Variants in SUPT3H observed in about 807,000 individuals in gnomAD.
SUPT3H encodes SPT3 homolog, SAGA and STAGA complex component, also known as transcription initiation protein SPT3 homolog.
A neutral mutation model predicts 44.3 loss-of-function variants in SUPT3H; 44 were observed. That is an observed-to-expected ratio of 0.99 (90% CI 0.78 to 1.28). SUPT3H has a LOEUF of 1.28. Among genes scored for constraint, SUPT3H ranks in the 50% most tolerant of loss-of-function variants. SUPT3H has a pLI of 0.00. For synonymous variants in SUPT3H, 124 were observed against 125.6 expected, an observed-to-expected ratio of 0.99 and a Z score of 0.09; for missense variants, 380 against 387.1, an observed-to-expected ratio of 0.98 and a Z score of 0.15.
At chr6:45,099,022 C>G in intron 3 of SUPT3H, 1 of 380,552 alleles carries the variant, frequency 2.6e-6, no homozygotes, top group South Asian at 2.1e-5. Context: ...CCTCCTCCTA[C>G]AGCAGCAGAA....
intron 2 of SUPT3H, chr6:45,328,817 T>C: frequency 6.3e-7 from 1 of 1,599,166 alleles, no homozygotes; most frequent in Non-Finnish European, 8.6e-7. Flanking sequence ...TCCTGTAAGA[T>C]ATGAACCTGT....
rs115382978 is a variant in SUPT3H at position 45,153,538 on chromosome 6, A to G, written c.102-47532T>C. On this transcript the variant is annotated intron_variant, in intron 2 of 10. Coordinates refer to ENST00000371459, the MANE Select transcript of SUPT3H (RefSeq NM_003599.4). ...ACTATAATACATTATTAAAAATTAA[A>G]TGAAAAATGTGCATATTTGTGTTAA... Among the ~76,000 whole-genome samples, 574 of 152,344 alleles carry G rather than the reference A, an allele frequency of 3.8e-3. 8 individuals are homozygous for G. The highest frequency in any genetic ancestry group is 0.013 in the African/African-American group (529 of 41,586).
intron 10 of SUPT3H, among the ~76,000 whole-genome samples, chr6:44,866,175 C>T (rs1775481684): frequency 7.0e-6 from 1 of 141,892 alleles, no homozygotes; most frequent in Admixed American, 7.3e-5. Context: ...AAACTGGGGG[C>T]TTGAAAAGAG....
chr6:44,921,382 C>A (rs1402761521), intron 10 of SUPT3H, among the ~76,000 whole-genome samples: 1 of 152,160 alleles, frequency 6.6e-6, no homozygotes, highest in East Asian at 1.9e-4. Flanking sequence ...CATAGCAGTA[C>A]ACAGTCTTGC....
At chr6:44,884,193 G>A (rs1040392121) in intron 10 of SUPT3H, among the ~76,000 whole-genome samples, 5 of 152,092 alleles carry the variant, frequency 3.3e-5, no homozygotes, top group East Asian at 1.9e-4. Flanking sequence ...AAAAGTGGGC[G>A]AAGGATATGA....
intron 10 of SUPT3H, among the ~76,000 whole-genome samples, chr6:44,919,870 C>CTTTTTCT (rs1176691622): frequency 1.3e-5 from 2 of 151,954 alleles, no homozygotes; most frequent in East Asian, 1.9e-4. Flanking sequence ...ACAATCACTT[C>CTTTTTCT]TTTTTCTTTT....
chr6:45,022,632 G>A (rs1373197035), intron 3 of SUPT3H, among the ~76,000 whole-genome samples: 3 of 151,940 alleles, frequency 2.0e-5, no homozygotes, highest in South Asian at 2.1e-4. Context: ...TAGTTAGTAT[G>A]TCTCTGGAAC....
intron 2 of SUPT3H, among the ~76,000 whole-genome samples, chr6:45,210,570 T>C (rs571850026): frequency 5.1e-4 from 77 of 152,284 alleles, no homozygotes; most frequent in African/African-American, 1.4e-3. Flanking sequence ...CTTACACATA[T>C]TGATTGATAT....
intron 4 of SUPT3H, among the ~76,000 whole-genome samples, chr6:45,018,354 A>G (rs563269347): frequency 6.6e-6 from 1 of 151,076 alleles, no homozygotes; most frequent in Non-Finnish European, 1.5e-5. Flanking sequence ...CTCCTGCCTA[A>G]TTGCCCTGGC....
chr6:44,963,946 C>T (rs988126955), intron 6 of SUPT3H, among the ~76,000 whole-genome samples: 6 of 149,214 alleles, frequency 4.0e-5, no homozygotes, highest in African/African-American at 9.9e-5. Flanking sequence ...TGTAGTGAGC[C>T]AAGATCACGC....
At chr6:44,920,695 G>A (rs906905377) in intron 10 of SUPT3H, among the ~76,000 whole-genome samples, 1 of 152,094 alleles carries the variant, frequency 6.6e-6, no homozygotes, top group Admixed American at 6.6e-5. Context: ...GCTAACTGCT[G>A]CCCTAAATCA....
At chr6:45,230,415 TG>T (rs567827811) in intron 2 of SUPT3H, among the ~76,000 whole-genome samples, 5 of 150,970 alleles carry the variant, frequency 3.3e-5, no homozygotes, top group Non-Finnish European at 5.9e-5. Flanking sequence ...TGCCCCAGTG[TG>T]GGGGGGGCTT....
At chr6:44,857,893 A>G (rs895505280) in intron 10 of SUPT3H, among the ~76,000 whole-genome samples, 4 of 152,176 alleles carry the variant, frequency 2.6e-5, no homozygotes, top group Admixed American at 6.5e-5. Context: ...ACAGGAGGGA[A>G]GTAAAGACTT....
chr6:45,342,661 CT>C (rs892540367), intron 2 of SUPT3H, among the ~76,000 whole-genome samples: 8 of 150,986 alleles, frequency 5.3e-5, no homozygotes, highest in South Asian at 2.1e-4. Flanking sequence ...TTTTGGAAGC[CT>C]TTTTTTTTAT....
chr6:45,143,670 A>G (rs1323452675), intron 2 of SUPT3H, among the ~76,000 whole-genome samples: 3 of 152,232 alleles, frequency 2.0e-5, no homozygotes, highest in East Asian at 1.9e-4. Context: ...ACCAAACCCA[A>G]AGCCAGCAGA....
At chr6:45,245,403 A>G (rs1771159644) in intron 2 of SUPT3H, among the ~76,000 whole-genome samples, 1 of 152,104 alleles carries the variant, frequency 6.6e-6, no homozygotes, top group Admixed American at 6.6e-5. Context: ...GAAATTTTCT[A>G]TCATACCAAG....
At chr6:45,371,537 C>T (rs1208303936) in intron 1 of SUPT3H, among the ~76,000 whole-genome samples, 1 of 151,994 alleles carries the variant, frequency 6.6e-6, no homozygotes, top group Non-Finnish European at 1.5e-5. Flanking sequence ...ATATTCAGGC[C>T]ATTTAGATAT....
At chr6:45,279,583 C>G (rs1777605459) in intron 2 of SUPT3H, among the ~76,000 whole-genome samples, 1 of 152,076 alleles carries the variant, frequency 6.6e-6, no homozygotes, top group African/African-American at 2.4e-5. Context: ...GCCAGCTCAC[C>G]CTTTGCCTTC....
intron 2 of SUPT3H, among the ~76,000 whole-genome samples, chr6:45,316,105 A>G (rs1289178906): frequency 6.6e-6 from 1 of 152,162 alleles, no homozygotes; most frequent in Non-Finnish European, 1.5e-5. Context: ...GTTCTCACTG[A>G]TATGTGGGAA....
Sources: allele counts gnomAD v4.1 joint callset (sites outside exome capture counted in the v4.1 genomes callset), GRCh38; gene constraint gnomAD v4.1.1; transcripts MANE v1.5; gene names NCBI Gene and HGNC (gene_info 2026-07-23, HGNC 2026-07-21).